FBXL18: variants seen among roughly 807,000 people sequenced by gnomAD.
FBXL18 encodes F-box/LRR-repeat protein 18.
Under a neutral mutation model 46.0 loss-of-function variants are expected in FBXL18, and 36 were observed. The ratio of observed to expected loss-of-function variants is 0.78; its 90% CI spans 0.60 to 1.03. The LOEUF (loss-of-function observed/expected upper bound fraction) is 1.03. FBXL18 is among the 50% of genes least tolerant of loss of function. The pLI is 0.00. For missense variants in FBXL18, 977 were observed against 1,004.1 expected (o/e 0.97, Z 0.36); for synonymous variants, 557 against 465.3 (o/e 1.20, Z -2.54).
At position 5,501,796 on chromosome 7, in the gene FBXL18, T is replaced by A; in HGVS notation, c.473A>T (p.Asp158Val). 1 of 1,567,378 alleles carries A rather than the reference T, an allele frequency of 6.4e-7. No individual in the cohort carries two copies. Among genetic ancestry groups the A allele is most frequent in the Non-Finnish European group, 8.6e-7 (1 of 1,156,306 alleles). ...GCACTCGCTGCTCAGCTGGCTGGCGTCGAAGCCGGGGCTCACGTCGATGGC... is the reference window on the plus strand; with the variant it reads ...GCACTCGCTGCTCAGCTGGCTGGCGACGAAGCCGGGGCTCACGTCGATGGC... ...SLAIDVSPGF[D>V]ASQLSSECKA... Residue 158 changes from aspartate to valine, a missense_variant, in exon 3 of 5, where the codon GAC (aspartate) becomes GTC (valine). By Grantham distance (152) the Asp-to-Val change is radical. Coordinates refer to ENST00000382368, the MANE Select transcript of FBXL18 (RefSeq NM_024963.6).
At chr7:5,471,618 G>A (rs577674446), downstream of FBXL18, among the ~76,000 whole-genome samples, 14 of 152,232 alleles carry the variant, frequency 9.2e-5, no homozygotes, top group African/African-American at 2.6e-4. Flanking sequence ...CACCGTGTTA[G>A]CCAGGATGGT....
chr7:5,503,385 T>C (rs1049810529), intron 2 of FBXL18, among the ~76,000 whole-genome samples: 3 of 152,172 alleles, frequency 2.0e-5, no homozygotes, highest in Non-Finnish European at 2.9e-5. Flanking sequence ...CAAGGTCTCA[T>C]TCTGTTGTCC....
downstream of FBXL18, among the ~76,000 whole-genome samples, chr7:5,474,987 C>T (rs1783486676): frequency 1.4e-5 from 2 of 145,118 alleles, no homozygotes; most frequent in South Asian, 2.4e-4. Flanking sequence ...GGATGACAGG[C>T]GTGAGCCACC....
intron 2 of FBXL18, among the ~76,000 whole-genome samples, chr7:5,503,810 T>C (rs1156821919): frequency 6.6e-6 from 1 of 151,102 alleles, no homozygotes; most frequent in Non-Finnish European, 1.5e-5. Flanking sequence ...CTACTAGAAA[T>C]ACAAAAATTA....
intron 4 of FBXL18, among the ~76,000 whole-genome samples, chr7:5,467,481 G>A (rs1324221202): frequency 2.6e-5 from 4 of 151,666 alleles, no homozygotes; most frequent in Admixed American, 2.6e-4. Context: ...GGGAGGCGGA[G>A]GTTGCAGTGA....
intron 4 of FBXL18, chr7:5,489,224 C>T (rs1307893495): frequency 7.7e-6 from 4 of 517,706 alleles, no homozygotes; most frequent in Non-Finnish European, 1.2e-5. Flanking sequence ...GAGGACTCCA[C>T]GGTGTAGTGT....
intron 1 of FBXL18, among the ~76,000 whole-genome samples, chr7:5,511,049 G>A (rs1784518620): frequency 6.6e-6 from 1 of 152,174 alleles, no homozygotes; most frequent in Non-Finnish European, 1.5e-5. Context: ...TGTAGAGATG[G>A]AGTTTTGCCA....
intron 1 of FBXL18, among the ~76,000 whole-genome samples, chr7:5,511,636 T>C (rs10272271): frequency 0.34 from 49,666 of 148,100 alleles, 8,601 homozygotes; most frequent in Admixed American, 0.39. Context: ...GGTGTGGTGG[T>C]GGGCGCCTGT....
intron 4 of FBXL18, among the ~76,000 whole-genome samples, chr7:5,484,192 C>G (rs1009859118): frequency 6.6e-5 from 10 of 152,092 alleles, no homozygotes; most frequent in South Asian, 4.1e-4. Flanking sequence ...TGTCGGCTGG[C>G]CGTGGTGGCT....
downstream of FBXL18, among the ~76,000 whole-genome samples, chr7:5,475,280 C>T (rs1049179116): frequency 3.9e-5 from 6 of 152,022 alleles, no homozygotes; most frequent in African/African-American, 9.7e-5. This position sits in a 1 kb window ranked among gnomAD's most constrained non-coding sequence, Gnocchi z 4.2. Context: ...TGAGATCACA[C>T]TACTGCCCTC....
In FBXL18 at chr7:5,454,922, CTA is replaced by C. The variant is rs562560797; in HGVS notation, c.2001-7081_2001-7080del. 9.8e-5 allele frequency among the ~76,000 whole-genome samples: 15 copies of C among 152,336 alleles called. No individual in the cohort carries two copies. The South Asian group carries it at 1.4e-3, about 15-fold the overall frequency. On this transcript the variant is annotated intron_variant and NMD_transcript_variant, in intron 4 of 6. Transcript: ENST00000415009. The stretch of plus-strand genomic sequence containing the variant: ...CTAAGCCGCTGTTGTTTGGGATTTT[CTA>C]TCTCTCGAATCCTAAAGGGTAGAGT...
At position 5,501,921 on chromosome 7, in the gene FBXL18, G is replaced by C; in HGVS notation, c.348C>G (p.Ala116=). ...WLPGSTVEHV[A]RCRSLVKVNL... is the part of the protein sequence containing the mutation. ...TCACCTTCACCAGGCTGCGGCAGCG[G>C]GCCACGTGTTCCACGGTGGAGCCAG... Residue 116 remains alanine (A), a synonymous_variant, in exon 3 of 5, where the codon GCC becomes GCG. Coordinates refer to ENST00000382368, the MANE Select transcript of FBXL18 (RefSeq NM_024963.6). 6.2e-7 allele frequency: 1 copy of C among 1,603,448 alleles called. No homozygotes were observed. The highest frequency in any genetic ancestry group is 8.5e-7 in the Non-Finnish European group (1 of 1,176,314).
chr7:5,493,655 TTG>T (rs150913470), intron 3 of FBXL18, among the ~76,000 whole-genome samples: 213 of 144,902 alleles, frequency 1.5e-3, no homozygotes, highest in Non-Finnish European at 2.2e-3. Flanking sequence ...TTATTTACTT[TTG>T]TGTGTGTGTG....
downstream of FBXL18, among the ~76,000 whole-genome samples, chr7:5,474,951 G>A (rs1401239034): frequency 8.9e-5 from 13 of 145,906 alleles, no homozygotes; most frequent in African/African-American, 2.5e-4. Flanking sequence ...CTCGTGATCC[G>A]CCCGCCTCGG....
chr7:5,500,978 G>T lies in FBXL18; in HGVS notation c.1291C>A (p.Arg431Ser). The T allele has an allele frequency of 6.5e-7, 1 of 1,545,510 alleles. No individual in the cohort carries two copies. Among genetic ancestry groups the T allele is most frequent in the African/African-American group, 1.4e-5 (1 of 72,904 alleles). Reference sequence around the variant, plus strand: ...GGCTGGGCGGGCGCGCGGTCGGCGCGCGGCGCGGAGTCAGCGACAGAGCAG... The same window carrying T: ...GGCTGGGCGGGCGCGCGGTCGGCGCTCGGCGCGGAGTCAGCGACAGAGCAG... ...PVCSVADSAP[R>S]ADRAPAQPAM... The change falls in exon 3 of 5, where the codon CGC (arginine) becomes AGC (serine). Residue 431 changes from arginine (R) to serine (S), a missense_variant. Arg to Ser is a moderately radical substitution (Grantham distance 110). Coordinates refer to ENST00000382368, the MANE Select transcript of FBXL18 (RefSeq NM_024963.6).
intron 4 of FBXL18, among the ~76,000 whole-genome samples, chr7:5,468,769 T>C (rs1562674943): frequency 6.6e-6 from 1 of 151,904 alleles, no homozygotes; most frequent in Non-Finnish European, 1.5e-5. Context: ...ACGGGCTAAC[T>C]TTTTAGTTTT....
rs372641488 is a variant in FBXL18 at position 5,455,124 on chromosome 7, C to T, written c.2001-7281G>A. ...GCAAACTCGAGGCTGGCTTCCTATC[C>T]TCTTGCTCAGGGAGCAACCCTGGCA... On this transcript the variant is annotated intron_variant and NMD_transcript_variant, in intron 4 of 6. Coordinates refer to the FBXL18 transcript ENST00000415009. The surrounding 1 kb of genome is among the most constrained non-coding windows in gnomAD (Gnocchi z 4.6). Among the ~76,000 whole-genome samples, 10 of 152,252 alleles carry T rather than the reference C, an allele frequency of 6.6e-5. No homozygotes were observed. The East Asian group carries it at 1.5e-3, about 24-fold the overall frequency.
intron 4 of FBXL18, among the ~76,000 whole-genome samples, chr7:5,488,795 C>T (rs980018407): frequency 6.6e-6 from 1 of 152,228 alleles, no homozygotes; most frequent in African/African-American, 2.4e-5. Context: ...CTGCATCCGC[C>T]ACACCTGAGA....
chr7:5,456,578 C>A (rs543413329), intron 4 of FBXL18, among the ~76,000 whole-genome samples: 22 of 149,134 alleles, frequency 1.5e-4, no homozygotes, highest in Non-Finnish European at 2.8e-4. Flanking sequence ...GGGCTCCAGG[C>A]AGAGGGAACA....
Sources: gnomAD v4.1 joint callset for allele counts (sites outside exome capture counted in the v4.1 genomes callset) on GRCh38, gnomAD v4.1.1 for gene constraint, Gnocchi (gnomAD v3.1) non-coding constraint, MANE v1.5 for transcripts, NCBI Gene and HGNC (gene_info 2026-07-23, HGNC 2026-07-21) for gene names.